RERGL: variants seen among roughly 807,000 people sequenced by gnomAD.
RERGL encodes ras-related and estrogen-regulated growth inhibitor-like protein.
In RERGL, 22 loss-of-function variants were observed where a neutral mutation model predicts 24.7. The observed-to-expected ratio is 0.89, with a 90% CI of 0.64 to 1.27. The LOEUF (loss-of-function observed/expected upper bound fraction) is 1.27, where lower values mean the gene tolerates loss of function less well. Among genes scored for constraint, RERGL ranks in the 50% most tolerant of loss-of-function variants. The pLI is 0.00. For synonymous variants in RERGL, 76 were observed against 82.6 expected, an observed-to-expected ratio of 0.92 and a Z score of 0.43; for missense variants, 259 against 235.3, an observed-to-expected ratio of 1.10 and a Z score of -0.66.
chr12:18,087,659 T>A (rs1354968913), intron 2 of RERGL, among the ~76,000 whole-genome samples: 1 of 152,184 alleles, frequency 6.6e-6, no homozygotes, highest in South Asian at 2.1e-4. Context: ...GCCAGAAATA[T>A]GTAAACATTT....
intron 4 of RERGL, among the ~76,000 whole-genome samples, chr12:18,083,994 GA>G (rs2136827971): frequency 6.6e-6 from 1 of 152,214 alleles, no homozygotes; most frequent in Admixed American, 6.5e-5. Flanking sequence ...AGACAATTAA[GA>G]AAAAGGAATT....
rs377649683 is a variant in RERGL at position 18,081,262 on chromosome 12, G to A, written c.544C>T (p.Arg182Cys). ...LINFKLKEKR[R>C]PSGSKSMAKL... ...GCCATTGATTTAGATCCACTGGGAC[G>A]TCTCTTTTCTTTGAGTTTGAAGTTT... is the stretch of plus-strand genomic sequence containing the variant. The change falls in exon 5 of 5, where the codon CGT becomes TGT. Residue 182 changes from arginine to cysteine, a missense_variant. Arg to Cys is a radical substitution (Grantham distance 180). Coordinates refer to ENST00000538724, the MANE Select transcript of RERGL (RefSeq NM_001286201.2). 65 of 1,613,138 alleles carry A rather than the reference G, an allele frequency of 4.0e-5. No homozygotes were observed. Among genetic ancestry groups the A allele is most frequent in the East Asian group, 1.8e-4 (8 of 44,890 alleles).
chr12:18,089,811 T>A lies in RERGL; in HGVS notation c.52+278A>T, dbSNP rs76955415. Among the ~76,000 whole-genome samples the A allele has an allele frequency of 1.8e-3, 276 of 152,192 alleles. 2 individuals are homozygous for A. The highest frequency in any genetic ancestry group is 6.3e-3 in the African/African-American group (263 of 41,522). On this transcript the variant is annotated intron_variant, in intron 1 of 4. Transcript: ENST00000538724. ...ATGCAGAAATTTCCTGTTATTCCTA[T>A]GAATTGTAAACATCAGTAGAACAAT...
chr12:18,089,311 C>A lies in RERGL; in HGVS notation c.53-355G>T, dbSNP rs1025780599. On this transcript the variant is annotated intron_variant, in intron 1 of 4. Coordinates refer to ENST00000538724, the MANE Select transcript of RERGL (RefSeq NM_001286201.2). Reference sequence around the variant, plus strand: ...GTTTATTTTCTCTGTCAAACTCAGTCTGGCTTCAAGGTACTATGTGTAATA... The same window carrying A: ...GTTTATTTTCTCTGTCAAACTCAGTATGGCTTCAAGGTACTATGTGTAATA... 5.7e-6 allele frequency: 9 copies of A among 1,583,076 alleles called. No individual in the cohort carries two copies. In the Admixed American group the frequency reaches 7.1e-5, roughly 13 times the overall value.
At position 18,081,134 on chromosome 12, in the gene RERGL, A is replaced by T; in HGVS notation, c.*57T>A. 6.8e-7 allele frequency: 1 copy of T among 1,478,590 alleles called. No individual in the cohort carries two copies. Among genetic ancestry groups the T allele is most frequent in the Non-Finnish European group, 9.1e-7 (1 of 1,098,156 alleles). 91.6% of individuals were successfully genotyped at this position (1,478,590 alleles called of 1,614,324 possible). On this transcript the variant is annotated 3_prime_UTR_variant, in exon 5 of 5. Coordinates refer to ENST00000538724, the MANE Select transcript of RERGL (RefSeq NM_001286201.2). Reference sequence around the variant, plus strand: ...ATTGCATACAAAGGTTAGTTTAATTATCATGTGAATGTTTGAAACTCTCTG... The same window carrying T: ...ATTGCATACAAAGGTTAGTTTAATTTTCATGTGAATGTTTGAAACTCTCTG...
intron 1 of RERGL, chr12:18,089,311 C>G: frequency 5.1e-6 from 8 of 1,583,194 alleles, no homozygotes; most frequent in Non-Finnish European, 6.9e-6. Flanking sequence ...CAAACTCAGT[C>G]TGGCTTCAAG....
In RERGL at chr12:18,081,264, C is replaced by T. The variant is rs769091652; in HGVS notation, c.542G>A (p.Arg181Lys). The change falls in exon 5 of 5, where the codon AGA (arginine) becomes AAA (lysine). Residue 181 changes from arginine to lysine, a missense_variant. Arg to Lys is a conservative substitution (Grantham distance 26). Transcript: ENST00000538724. ...CATTGATTTAGATCCACTGGGACGT[C>T]TCTTTTCTTTGAGTTTGAAGTTTAT... Reference protein sequence around the residue: ...ILINFKLKEKRRPSGSKSMAK... With the variant: ...ILINFKLKEKKRPSGSKSMAK... 6.2e-7 allele frequency: 1 copy of T among 1,613,504 alleles called. No homozygotes were observed. The highest frequency in any genetic ancestry group is 8.5e-7 in the Non-Finnish European group (1 of 1,179,844).
At chr12:18,089,756 G>C (rs534902088) in intron 1 of RERGL, among the ~76,000 whole-genome samples, 1 of 152,244 alleles carries the variant, frequency 6.6e-6, no homozygotes, top group East Asian at 1.9e-4. Flanking sequence ...TAAGGCAAGT[G>C]TGTTGAAGTG....
At chr12:18,083,756 A>G (rs2136827725) in intron 4 of RERGL, among the ~76,000 whole-genome samples, 1 of 152,310 alleles carries the variant, frequency 6.6e-6, no homozygotes, top group African/African-American at 2.4e-5. Flanking sequence ...TTTCTTACTT[A>G]CCAGATTAGA....
chr12:18,089,479 G>C (rs1428423791), intron 1 of RERGL: 1 of 773,642 alleles, frequency 1.3e-6, no homozygotes, highest in African/African-American at 1.8e-5. Flanking sequence ...TGATTCTTTA[G>C]GCTCAAGTGA....
intron 2 of RERGL, among the ~76,000 whole-genome samples, chr12:18,087,903 C>T (rs1947235300): frequency 6.6e-6 from 1 of 152,232 alleles, no homozygotes; most frequent in Non-Finnish European, 1.5e-5. Context: ...AGCTTTCAAG[C>T]TCTTGCCCTA....
At chr12:18,082,344 T>TGGG (rs1190478735) in intron 4 of RERGL, among the ~76,000 whole-genome samples, 1 of 151,694 alleles carries the variant, frequency 6.6e-6, no homozygotes, top group African/African-American at 2.4e-5. Context: ...AGGTCGAGGG[T>TGGG]GGGAGGAGGA....
rs1947164431 is a variant in RERGL, at chr12:18,080,975, A to G, written c.*216T>C. The G allele has an allele frequency of 2.4e-6, 1 of 419,096 alleles. No individual in the cohort carries two copies. Among genetic ancestry groups the G allele is most frequent in the South Asian group, 5.3e-5 (1 of 18,978 alleles). The allele number at this position is 419,096 out of a possible 1,614,324, so 26.0% of individuals were successfully genotyped here. A position where few individuals can be genotyped will look rare whatever the true frequency, so the allele number is the denominator to read the frequency against. ...AGGGTGAGTGTGATGTTGTACAATA[A>G]ATGAAAGGTTCTGTGTGAAGGAGAG... On this transcript the variant is annotated 3_prime_UTR_variant, in exon 5 of 5. Transcript: ENST00000538724.
At chr12:18,084,472 A>G (rs765450244) in intron 4 of RERGL, 45 bp downstream of exon 4, 2 of 1,550,946 alleles carry the variant, frequency 1.3e-6, no homozygotes, top group Admixed American at 2.0e-5. Flanking sequence ...CAGCTATATG[A>G]TGATTTACTA....
intron 2 of RERGL, among the ~76,000 whole-genome samples, chr12:18,087,811 T>A (rs1052752921): frequency 5.9e-5 from 9 of 152,176 alleles, no homozygotes; most frequent in Non-Finnish European, 7.4e-5. Context: ...GTATGTTATG[T>A]TGACCTTTTT....
intron 2 of RERGL, among the ~76,000 whole-genome samples, chr12:18,087,735 C>A (rs1378981538): frequency 2.6e-5 from 4 of 152,060 alleles, no homozygotes; most frequent in Admixed American, 6.6e-5. Flanking sequence ...ATTTGGATAG[C>A]ATATCGTTCT....
intron 2 of RERGL, among the ~76,000 whole-genome samples, chr12:18,086,024 ATTTTTTTTT>A (rs577015041): frequency 1.6e-5 from 2 of 125,088 alleles, no homozygotes; most frequent in African/African-American, 6.3e-5. Flanking sequence ...CGCCTGGCCA[ATTTTTTTTT>A]TTTTTTTTTT....
chr12:18,087,638 G>A (rs924799996), intron 2 of RERGL, among the ~76,000 whole-genome samples: 2 of 151,942 alleles, frequency 1.3e-5, no homozygotes, highest in Admixed American at 6.6e-5. Flanking sequence ...ATTTTTCATC[G>A]AGAGGTAACA....
At chr12:18,088,193 C>G (rs574061523) in intron 2 of RERGL, among the ~76,000 whole-genome samples, 1 of 151,960 alleles carries the variant, frequency 6.6e-6, no homozygotes, top group African/African-American at 2.4e-5. Flanking sequence ...AAATTCATCT[C>G]CTCATTTCAT....
Sources: gnomAD v4.1 joint callset for allele counts (sites outside exome capture counted in the v4.1 genomes callset) on GRCh38, gnomAD v4.1.1 for gene constraint, MANE v1.5 for transcripts, NCBI Gene and HGNC (gene_info 2026-07-23, HGNC 2026-07-21) for gene names.